The following ARK2N variants were observed in gnomAD, a reference collection of about 807,000 sequenced individuals.
ARK2N encodes the protein protein ARK2N.
the ARK2N span, among the ~76,000 whole-genome samples, chr18:46,221,250 A>G: frequency 1.8e-3 from 277 of 152,020 alleles, 1 homozygote; most frequent in African/African-American, 6.4e-3. Context: ...CTGATTTGAT[A>G]GAAGAATGAT....
At chr18:46,183,613 CT>C in the ARK2N span, among the ~76,000 whole-genome samples, 2 of 152,088 alleles carry the variant, frequency 1.3e-5, no homozygotes, top group African/African-American at 4.8e-5. Flanking sequence ...CTTCTTCAAA[CT>C]TTTCTTTCTT....
At chr18:46,206,486 A>G in the ARK2N span, among the ~76,000 whole-genome samples, 2 of 152,124 alleles carry the variant, frequency 1.3e-5, no homozygotes, top group African/African-American at 2.4e-5. Flanking sequence ...CTGATCTGTG[A>G]TGAAAACTTG....
chr18:46,201,872 G>C, the ARK2N span, among the ~76,000 whole-genome samples: 1 of 151,574 alleles, frequency 6.6e-6, no homozygotes, highest in Non-Finnish European at 1.5e-5. Flanking sequence ...CTGCCTCCTG[G>C]GTTCAAGCGA....
At chr18:46,191,117 C>T in the ARK2N span, among the ~76,000 whole-genome samples, 1 of 152,020 alleles carries the variant, frequency 6.6e-6, no homozygotes, top group Admixed American at 6.6e-5. Context: ...GCTTTCCTCT[C>T]ATGAGGGCAG....
At chr18:46,218,955 T>G in the ARK2N span, 2 of 152,350 alleles carry the variant, frequency 1.3e-5, no homozygotes, top group African/African-American at 2.4e-5. Flanking sequence ...TTCATTAAGG[T>G]ACAACCAATT....
chr18:46,231,385 T>A, the ARK2N span, among the ~76,000 whole-genome samples: 1 of 152,186 alleles, frequency 6.6e-6, no homozygotes, highest in African/African-American at 2.4e-5. Flanking sequence ...GACAAATGGC[T>A]GGAGGCAGAT....
At chr18:46,255,065 C>T in the ARK2N span, among the ~76,000 whole-genome samples, 2 of 152,132 alleles carry the variant, frequency 1.3e-5, no homozygotes, top group African/African-American at 4.8e-5. Context: ...ACTCTGGTTA[C>T]CCAGGTAATA....
chr18:46,254,877 A>T, the ARK2N span, among the ~76,000 whole-genome samples: 1 of 150,630 alleles, frequency 6.6e-6, no homozygotes. Flanking sequence ...TCCTTTCCCC[A>T]CCTCCCCTGC....
chr18:46,257,546 G>A, the ARK2N span, among the ~76,000 whole-genome samples: 1 of 152,084 alleles, frequency 6.6e-6, no homozygotes, highest in Non-Finnish European at 1.5e-5. Context: ...GTTAATTTTT[G>A]GACAGTCCAG....
the ARK2N span, among the ~76,000 whole-genome samples, chr18:46,246,762 G>A: frequency 6.6e-6 from 1 of 151,984 alleles, no homozygotes; most frequent in Non-Finnish European, 1.5e-5. Flanking sequence ...TACCAACATG[G>A]CCAAACCCCG....
chr18:46,178,125 A>G, the ARK2N span, among the ~76,000 whole-genome samples: 1 of 152,106 alleles, frequency 6.6e-6, no homozygotes, highest in African/African-American at 2.4e-5. Context: ...CATGATTATC[A>G]GTGCACTTGA....
chr18:46,230,504 G>T, the ARK2N span, among the ~76,000 whole-genome samples: 1 of 152,134 alleles, frequency 6.6e-6, no homozygotes, highest in Non-Finnish European at 1.5e-5. Context: ...TCTATGAAGG[G>T]TTAATGCTGG....
the ARK2N span, among the ~76,000 whole-genome samples, chr18:46,200,141 T>C: frequency 2.6e-5 from 4 of 152,154 alleles, no homozygotes; most frequent in Non-Finnish European, 5.9e-5. Flanking sequence ...CTGGTGGTTC[T>C]GTTTCTCTGA....
the ARK2N span, among the ~76,000 whole-genome samples, chr18:46,234,644 A>C: frequency 1.3e-5 from 2 of 151,400 alleles, no homozygotes; most frequent in South Asian, 4.2e-4. Context: ...TCAGTCCCTC[A>C]TGCCCACACC....
the ARK2N span, among the ~76,000 whole-genome samples, chr18:46,197,809 C>T: frequency 6.6e-6 from 1 of 152,124 alleles, no homozygotes; most frequent in Non-Finnish European, 1.5e-5. Context: ...TCCAGGAGGA[C>T]GTGTGTTGGT....
At chr18:46,183,517 G>A in the ARK2N span, among the ~76,000 whole-genome samples, 1 of 152,128 alleles carries the variant, frequency 6.6e-6, no homozygotes, top group South Asian at 2.1e-4. Context: ...GCCCAGTTGT[G>A]TTAATTTGTT....
chr18:46,175,715 C>G, the ARK2N span, among the ~76,000 whole-genome samples: 3 of 152,188 alleles, frequency 2.0e-5, no homozygotes, highest in African/African-American at 7.2e-5. Flanking sequence ...GTTGGCCAAG[C>G]TGGTCTTGAC....
chr18:46,174,367 A>C, the ARK2N span: 1 of 152,230 alleles, frequency 6.6e-6, no homozygotes, highest in Middle Eastern at 3.4e-3. Context: ...CGGCCTGGCT[A>C]CTGGTCGAGT....
the ARK2N span, among the ~76,000 whole-genome samples, chr18:46,252,908 A>G: frequency 1.3e-5 from 2 of 152,190 alleles, no homozygotes; most frequent in Non-Finnish European, 2.9e-5. Flanking sequence ...TGGAGAATGT[A>G]TTTTATTGCA....
Sources: allele counts gnomAD v4.1 joint callset (sites outside exome capture counted in the v4.1 genomes callset), GRCh38; gene constraint gnomAD v4.1.1; transcripts MANE v1.5; gene names NCBI Gene and HGNC (gene_info 2026-07-23, HGNC 2026-07-21).